Variants in EIF4E observed in about 807,000 individuals in gnomAD.
EIF4E encodes eIF-4F 25 kDa subunit.
For missense variants in EIF4E, 113 were observed against 265.6 expected (o/e 0.43, Z 3.99); for synonymous variants, 71 against 88.5 (o/e 0.80, Z 1.11).
chr4:98,894,821 T>C (rs1045899691), intron 2 of EIF4E, among the ~76,000 whole-genome samples: 15 of 152,252 alleles, frequency 9.9e-5, no homozygotes, highest in African/African-American at 3.1e-4. Context: ...ACCTAGCTTT[T>C]GGCCTGTGTT....
At chr4:98,881,454 A>G (rs1289550859) in intron 6 of EIF4E, among the ~76,000 whole-genome samples, 1 of 152,168 alleles carries the variant, frequency 6.6e-6, no homozygotes, top group Non-Finnish European at 1.5e-5. Context: ...AACAGTGAAC[A>G]AAGTAAGGAC....
intron 2 of EIF4E, among the ~76,000 whole-genome samples, chr4:98,893,038 G>C (rs1383223132): frequency 1.3e-5 from 2 of 152,170 alleles, no homozygotes; most frequent in Non-Finnish European, 2.9e-5. Flanking sequence ...TCACAATAAA[G>C]GAACTATCTT....
intron 1 of EIF4E, among the ~76,000 whole-genome samples, chr4:98,917,055 G>A (rs756675003): frequency 6.7e-6 from 1 of 148,182 alleles, no homozygotes; most frequent in South Asian, 2.2e-4. Flanking sequence ...TGATTAAAAT[G>A]CCTATTTTTA....
intron 3 of EIF4E, among the ~76,000 whole-genome samples, chr4:98,888,419 C>G (rs964098835): frequency 1.3e-5 from 2 of 152,014 alleles, no homozygotes; most frequent in Non-Finnish European, 2.9e-5. Flanking sequence ...TGAAGGTATC[C>G]AAGAGTAGAA....
Position 98,903,552 on chromosome 4 carries a change from C to G in EIF4E, c.19-1570G>C, listed in dbSNP as rs193230096. 3.0e-3 allele frequency: 1,350 copies of G among 445,366 alleles called. 17 individuals are homozygous for G. The highest frequency in any genetic ancestry group is 0.025 in the African/African-American group (1,228 of 49,502). 27.6% of individuals were successfully genotyped at this position (445,366 alleles called of 1,614,324 possible). ...AGAGACAAGGTCTCACCATGTTGGC[C>G]AGGCTGGTCTCAAACTCCTGAGCTC... On this transcript the variant is annotated intron_variant, in intron 1 of 6. Coordinates refer to ENST00000450253, the MANE Select transcript of EIF4E (RefSeq NM_001968.5).
Position 98,889,924 on chromosome 4 carries a change from G to A in EIF4E, c.221+1313C>T, listed in dbSNP as rs768911904. Among the ~76,000 whole-genome samples the A allele has an allele frequency of 1.3e-4, 20 of 152,184 alleles. 1 individual carries two copies. Among genetic ancestry groups the A allele is most frequent in the Non-Finnish European group, 1.0e-4 (7 of 68,010 alleles). On this transcript the variant is annotated intron_variant, in intron 3 of 6. Coordinates refer to ENST00000450253, the MANE Select transcript of EIF4E (RefSeq NM_001968.5). ...AAACTACTTGATGTTTTGATGATGGGCAAAGAATAATAATCCTAGTTTAAC... is the reference window on the plus strand; with the variant it reads ...AAACTACTTGATGTTTTGATGATGGACAAAGAATAATAATCCTAGTTTAAC...
chr4:98,909,659 G>A (rs1445569026), intron 1 of EIF4E: 3 of 711,188 alleles, frequency 4.2e-6, no homozygotes, highest in Non-Finnish European at 7.8e-6. Flanking sequence ...AACCTGTGCT[G>A]GCAAACAAGG....
At chr4:98,915,426 A>G (rs1050461417) in intron 1 of EIF4E, among the ~76,000 whole-genome samples, 4 of 152,230 alleles carry the variant, frequency 2.6e-5, no homozygotes, top group Non-Finnish European at 4.4e-5. Flanking sequence ...ATGTATTATA[A>G]CAAAGTTATA....
intron 2 of EIF4E, among the ~76,000 whole-genome samples, chr4:98,899,532 A>G (rs956059144): frequency 1.2e-4 from 19 of 152,350 alleles, no homozygotes; most frequent in Non-Finnish European, 2.8e-4. Context: ...GTTAAAGGGT[A>G]ATCTTTGTTC....
At chr4:98,927,451 T>C (rs1314652941) in intron 1 of EIF4E, among the ~76,000 whole-genome samples, 1 of 150,026 alleles carries the variant, frequency 6.7e-6, no homozygotes, top group Non-Finnish European at 1.5e-5. Flanking sequence ...AGGTCAGGAG[T>C]TTCAGACCAG....
intron 1 of EIF4E, among the ~76,000 whole-genome samples, chr4:98,902,318 C>A (rs1028277814): frequency 3.9e-5 from 6 of 152,230 alleles, no homozygotes; most frequent in Non-Finnish European, 7.3e-5. Flanking sequence ...GATTCACCTG[C>A]CTTGGCCTCC....
chr4:98,898,348 C>T (rs558096958), intron 2 of EIF4E, among the ~76,000 whole-genome samples: 1 of 152,196 alleles, frequency 6.6e-6, no homozygotes, highest in East Asian at 1.9e-4. Flanking sequence ...GTGGCTCATG[C>T]CTGTAATCCC....
At chr4:98,884,812 A>G in intron 6 of EIF4E, 110 bp downstream of exon 6, 1 of 1,430,724 alleles carries the variant, frequency 7.0e-7, no homozygotes, top group Non-Finnish European at 9.7e-7. Context: ...AAAACAATAC[A>G]AGGAAAACAG....
chr4:98,899,387 C>T (rs1333215573), intron 2 of EIF4E, among the ~76,000 whole-genome samples: 1 of 152,116 alleles, frequency 6.6e-6, no homozygotes, highest in East Asian at 1.9e-4. Context: ...CCAAATCAGA[C>T]TGGGACCAAT....
At chr4:98,899,054 TAA>T (rs545359007) in intron 2 of EIF4E, among the ~76,000 whole-genome samples, 1 of 138,364 alleles carries the variant, frequency 7.2e-6, no homozygotes, top group African/African-American at 2.6e-5. Flanking sequence ...TAAAGACCTC[TAA>T]AAAAAAAAAA....
In EIF4E at chr4:98,894,035, G is replaced by A. The variant is rs115861266; in HGVS notation, c.126-2703C>T. Among the ~76,000 whole-genome samples the A allele has an allele frequency of 2.5e-3, 376 of 152,324 alleles. 2 individuals carry two copies. Among genetic ancestry groups the A allele is most frequent in the African/African-American group, 7.4e-3 (309 of 41,548 alleles). On this transcript the variant is annotated intron_variant, in intron 2 of 6. Coordinates refer to ENST00000450253, the MANE Select transcript of EIF4E (RefSeq NM_001968.5). Reference sequence around the variant, plus strand: ...TGTCAGAGCTCTTGGGCGACTAGGCGCATCATCAAGGAGCAGTGATATTTT... The same window carrying A: ...TGTCAGAGCTCTTGGGCGACTAGGCACATCATCAAGGAGCAGTGATATTTT...
intron 6 of EIF4E, among the ~76,000 whole-genome samples, chr4:98,882,318 G>A (rs1315940837): frequency 6.6e-5 from 10 of 151,428 alleles, no homozygotes; most frequent in African/African-American, 2.2e-4. Flanking sequence ...CGTGAACCTG[G>A]GAGGCAGAGC....
intron 6 of EIF4E, among the ~76,000 whole-genome samples, chr4:98,882,927 C>T (rs1723759056): frequency 6.6e-6 from 1 of 151,904 alleles, no homozygotes. Flanking sequence ...CTTATGGAAC[C>T]CCATATAGCA....
At chr4:98,894,993 A>C (rs1724313633) in intron 2 of EIF4E, 1 of 152,332 alleles carries the variant, frequency 6.6e-6, no homozygotes, top group Non-Finnish European at 1.5e-5. Context: ...AGGCAGGCCC[A>C]AGGACAAGAA....
Sources: allele counts gnomAD v4.1 joint callset (sites outside exome capture counted in the v4.1 genomes callset), GRCh38; gene constraint gnomAD v4.1.1; transcripts MANE v1.5; gene names NCBI Gene and HGNC (gene_info 2026-07-23, HGNC 2026-07-21).